The following THSD4 variants were observed in gnomAD, a reference collection of about 807,000 sequenced individuals.
THSD4 encodes the protein thrombospondin type-1 domain-containing protein 4.
A neutral mutation model predicts 119.0 loss-of-function variants in THSD4; 69 were observed. The ratio of observed to expected loss-of-function variants is 0.58; its 90% CI spans 0.48 to 0.71. THSD4 has a LOEUF of 0.71. Among genes scored for constraint, THSD4 ranks in the 30% least tolerant of loss-of-function variants. The pLI is 0.00. For synonymous variants in THSD4, 524 were observed against 540.4 expected (o/e 0.97, Z 0.42); for missense variants, 1,393 against 1,391.1 (o/e 1.00, Z -0.02).
intron 1 of THSD4, among the ~76,000 whole-genome samples, chr15:71,127,074 C>A (rs1272978764): frequency 1.3e-5 from 2 of 152,210 alleles, no homozygotes; most frequent in Non-Finnish European, 2.9e-5. Flanking sequence ...TTAACCATAA[C>A]CTCACCATTG....
At chr15:71,552,538 A>C (rs1348665473) in intron 7 of THSD4, among the ~76,000 whole-genome samples, 2 of 152,254 alleles carry the variant, frequency 1.3e-5, no homozygotes, top group African/African-American at 4.8e-5. Context: ...CTAGTATCTA[A>C]AATAGCCAGT....
intron 6 of THSD4, among the ~76,000 whole-genome samples, chr15:71,321,650 T>C (rs1366749436): frequency 1.3e-5 from 2 of 152,202 alleles, no homozygotes; most frequent in African/African-American, 4.8e-5. Context: ...ATTCTAAGAA[T>C]AGATTTATTT....
chr15:71,479,605 G>C (rs2047699858), intron 7 of THSD4, among the ~76,000 whole-genome samples: 1 of 152,086 alleles, frequency 6.6e-6, no homozygotes, highest in Non-Finnish European at 1.5e-5. Context: ...ACAAATTTGG[G>C]GAAGAAACAG....
chr15:71,309,675 T>C (rs2045084121), intron 6 of THSD4, among the ~76,000 whole-genome samples: 3 of 152,232 alleles, frequency 2.0e-5, no homozygotes, highest in South Asian at 4.1e-4. Flanking sequence ...TGTGAGAAAG[T>C]GGTCCAACTT....
chr15:71,478,494 G>A (rs777907708), intron 7 of THSD4, among the ~76,000 whole-genome samples: 4 of 152,090 alleles, frequency 2.6e-5, no homozygotes, highest in Non-Finnish European at 4.4e-5. Context: ...TAGACAACCC[G>A]ATTTGGTGGA....
At chr15:71,738,087 C>A (rs768482908) in intron 11 of THSD4, 80 bp downstream of exon 11, 2 of 1,543,524 alleles carry the variant, frequency 1.3e-6, no homozygotes, top group African/African-American at 1.4e-5. Context: ...CAGCGGTCCC[C>A]GGCTTTTTTG....
At chr15:71,122,701 G>A (rs112034583) in intron 1 of THSD4, among the ~76,000 whole-genome samples, 38 of 152,292 alleles carry the variant, frequency 2.5e-4, no homozygotes, top group African/African-American at 8.7e-4. Flanking sequence ...AAAGCACAAT[G>A]ATGCTTTTCA....
At chr15:71,565,844 G>A (rs1363310311) in intron 7 of THSD4, among the ~76,000 whole-genome samples, 1 of 152,186 alleles carries the variant, frequency 6.6e-6, no homozygotes, top group Non-Finnish European at 1.5e-5. Flanking sequence ...AAAAGCAAGG[G>A]AATCATTAAG....
chr15:71,101,356 C>T (rs1279625230), intron 1 of THSD4, among the ~76,000 whole-genome samples: 1 of 152,116 alleles, frequency 6.6e-6, no homozygotes, highest in East Asian at 1.9e-4. Flanking sequence ...ATATAGGTAC[C>T]TTTGGCATCC....
intron 4 of THSD4, among the ~76,000 whole-genome samples, chr15:71,219,041 C>T (rs2043955726): frequency 6.6e-6 from 1 of 151,994 alleles, no homozygotes; most frequent in African/African-American, 2.4e-5. Flanking sequence ...CAGAAGAATC[C>T]GTTCTGCAAA....
chr15:71,467,494 C>T (rs1224117329), intron 7 of THSD4, among the ~76,000 whole-genome samples: 1 of 152,184 alleles, frequency 6.6e-6, no homozygotes, highest in Non-Finnish European at 1.5e-5. Context: ...GGGGGAATCT[C>T]AGCAAGCAAG....
At chr15:71,296,820 G>A (rs1158710828) in intron 6 of THSD4, among the ~76,000 whole-genome samples, 1 of 152,074 alleles carries the variant, frequency 6.6e-6, no homozygotes, top group Non-Finnish European at 1.5e-5. Flanking sequence ...GCCTCATCCC[G>A]ACCCTGCCAT....
At chr15:71,341,843 A>T (rs1166736239) in intron 6 of THSD4, 5 of 650,776 alleles carry the variant, frequency 7.7e-6, no homozygotes, top group African/African-American at 1.8e-5. Flanking sequence ...TCCACCTACT[A>T]GGTTTTTATT....
chr15:71,612,761 A>G (rs1382845992), intron 7 of THSD4, among the ~76,000 whole-genome samples: 1 of 152,236 alleles, frequency 6.6e-6, no homozygotes, highest in Non-Finnish European at 1.5e-5. Flanking sequence ...GAGTCAATGC[A>G]TTGATATGGC....
rs189378123 is a variant in THSD4, at chr15:71,541,239, A to G, written c.1153-119291A>G. Among the ~76,000 whole-genome samples, 30 of 152,378 alleles carry G rather than the reference A, an allele frequency of 2.0e-4. 1 individual carries two copies. In the East Asian group the frequency reaches 5.2e-3, roughly 26 times the overall value. ...TTCAACATCAACCCAACATAAAAATATATGAATGAGATATTTTACATTCTT... is the reference window on the plus strand; with the variant it reads ...TTCAACATCAACCCAACATAAAAATGTATGAATGAGATATTTTACATTCTT... On this transcript the variant is annotated intron_variant, in intron 7 of 17. Transcript: ENST00000261862.
Position 71,559,635 on chromosome 15 carries a change from C to T in THSD4, c.1153-100895C>T, listed in dbSNP as rs567608784. ...AGACCTCTGCTTCTCTACCTTCTTCCCATAAAATGGGAAGAAGAATAATAT... is the reference window on the plus strand; with the variant it reads ...AGACCTCTGCTTCTCTACCTTCTTCTCATAAAATGGGAAGAAGAATAATAT... On this transcript the variant is annotated intron_variant, in intron 7 of 17. Transcript: ENST00000261862. Among the ~76,000 whole-genome samples the T allele has an allele frequency of 2.0e-5, 3 of 151,736 alleles. No individual in the cohort carries two copies. In the South Asian group the frequency reaches 6.3e-4, roughly 32 times the overall value.
At chr15:71,688,684 A>AG (rs1394539606) in intron 8 of THSD4, among the ~76,000 whole-genome samples, 3 of 116,868 alleles carry the variant, frequency 2.6e-5, no homozygotes, top group African/African-American at 1.0e-4. Flanking sequence ...TTTGTTGTTG[A>AG]GGTTTTTTTT....
chr15:71,251,453 T>A (rs1435963139), intron 5 of THSD4, among the ~76,000 whole-genome samples: 2 of 152,224 alleles, frequency 1.3e-5, no homozygotes, highest in East Asian at 3.8e-4. Context: ...GGCTTGTTAT[T>A]CAATTGTGGT....
At chr15:71,328,362 A>G (rs2045374277) in intron 6 of THSD4, among the ~76,000 whole-genome samples, 1 of 152,168 alleles carries the variant, frequency 6.6e-6, no homozygotes. Context: ...GAAAAGCACA[A>G]TCTCACTTTA....
Sources: allele counts gnomAD v4.1 joint callset (sites outside exome capture counted in the v4.1 genomes callset), GRCh38; gene constraint gnomAD v4.1.1; transcripts MANE v1.5; gene names NCBI Gene and HGNC (gene_info 2026-07-23, HGNC 2026-07-21).